Variants in NTNG1 observed in about 807,000 individuals in gnomAD.
The protein encoded by NTNG1 is netrin-G1.
Under a neutral mutation model 54.0 loss-of-function variants are expected in NTNG1, and 16 were observed. That is an observed-to-expected ratio of 0.30 (90% CI 0.20 to 0.45). The LOEUF (loss-of-function observed/expected upper bound fraction) is 0.45. Among genes scored for constraint, NTNG1 ranks in the 20% least tolerant of loss-of-function variants. The probability of loss-of-function intolerance (pLI) is 1.00; values close to 1 mark genes in which losing one functional copy is unlikely to be tolerated. For synonymous variants in NTNG1, 255 were observed against 263.1 expected, an observed-to-expected ratio of 0.97 and a Z score of 0.30; for missense variants, 530 against 678.7, an observed-to-expected ratio of 0.78 and a Z score of 2.43.
chr1:107,216,257 C>T (rs1236284264), intron 2 of NTNG1, among the ~76,000 whole-genome samples: 2 of 152,160 alleles, frequency 1.3e-5, no homozygotes. Flanking sequence ...AACTTTTCCC[C>T]ATTCAAGATA....
intron 3 of NTNG1, among the ~76,000 whole-genome samples, chr1:107,377,755 C>T (rs1208192910): frequency 1.3e-5 from 2 of 152,240 alleles, no homozygotes; most frequent in East Asian, 3.9e-4. Context: ...AGGCAGCATA[C>T]ATTGCAATTT....
At chr1:107,464,334 C>G (rs936724030) in intron 7 of NTNG1, among the ~76,000 whole-genome samples, 1 of 152,012 alleles carries the variant, frequency 6.6e-6, no homozygotes, top group Non-Finnish European at 1.5e-5. Flanking sequence ...AAGAATTGCC[C>G]GATTAAGCAG....
intron 5 of NTNG1, among the ~76,000 whole-genome samples, chr1:107,419,240 C>CTT (rs1491470678): frequency 2.4e-5 from 1 of 42,020 alleles, no homozygotes; most frequent in African/African-American, 5.7e-5. Flanking sequence ...CTCCTCCCTC[C>CTT]TCTCTCTCTC....
At chr1:107,479,234 C>T (rs1678535359) in intron 7 of NTNG1, among the ~76,000 whole-genome samples, 1 of 152,188 alleles carries the variant, frequency 6.6e-6, no homozygotes, top group African/African-American at 2.4e-5. Context: ...GTATCCACCA[C>T]CATCTTTCCT....
chr1:107,376,915 T>C (rs997076604), intron 3 of NTNG1, among the ~76,000 whole-genome samples: 3 of 152,186 alleles, frequency 2.0e-5, no homozygotes, highest in African/African-American at 7.2e-5. Flanking sequence ...TCTTCTCAAA[T>C]GAAGATCACT....
At chr1:107,196,056 G>A (rs1342213024) in intron 2 of NTNG1, among the ~76,000 whole-genome samples, 1 of 152,008 alleles carries the variant, frequency 6.6e-6, no homozygotes, top group Non-Finnish European at 1.5e-5. Flanking sequence ...CCAGCACTTA[G>A]AACCCAGGGC....
At chr1:107,181,965 T>G (rs1455282787) in intron 2 of NTNG1, among the ~76,000 whole-genome samples, 1 of 151,576 alleles carries the variant, frequency 6.6e-6, no homozygotes, top group African/African-American at 2.4e-5. Context: ...TATTCCCCTG[T>G]TTTTTTTATA....
At chr1:107,234,240 A>C (rs1214900402) in intron 2 of NTNG1, among the ~76,000 whole-genome samples, 2 of 152,104 alleles carry the variant, frequency 1.3e-5, no homozygotes, top group East Asian at 1.9e-4. Flanking sequence ...TTCCTGCCTC[A>C]GTCTCCCGAG....
chr1:107,228,932 A>C (rs1660870877), intron 2 of NTNG1, among the ~76,000 whole-genome samples: 1 of 152,108 alleles, frequency 6.6e-6, no homozygotes, highest in Non-Finnish European at 1.5e-5. Context: ...ATTTCTATTG[A>C]ACTAATCATG....
chr1:107,387,896 A>T (rs1672111313), intron 3 of NTNG1, among the ~76,000 whole-genome samples: 1 of 152,292 alleles, frequency 6.6e-6, no homozygotes, highest in South Asian at 2.1e-4. Flanking sequence ...GCCTTCCGTA[A>T]TAGAGACTGT....
chr1:107,269,776 T>C (rs557208635), intron 2 of NTNG1, among the ~76,000 whole-genome samples: 173 of 152,348 alleles, frequency 1.1e-3, no homozygotes, highest in African/African-American at 4.0e-3. Context: ...TTTAGACTAC[T>C]TAGCAGATTC....
intron 2 of NTNG1, among the ~76,000 whole-genome samples, chr1:107,239,307 C>T (rs993956788): frequency 6.6e-6 from 1 of 152,106 alleles, no homozygotes; most frequent in African/African-American, 2.4e-5. Context: ...TCAAATCAGT[C>T]TTCATGGATT....
At chr1:107,166,019 T>C (rs1655767497) in intron 2 of NTNG1, among the ~76,000 whole-genome samples, 2 of 152,220 alleles carry the variant, frequency 1.3e-5, no homozygotes, top group Admixed American at 1.3e-4. Flanking sequence ...CAGACTGGCC[T>C]CTGCCTTCAA....
At position 107,161,385 on chromosome 1, in the gene NTNG1, G is replaced by T. The variant is rs547838555; in HGVS notation, c.246+12546G>T. 4.7e-4 allele frequency among the ~76,000 whole-genome samples: 72 copies of T among 152,280 alleles called. 1 individual carries two copies. The South Asian group carries it at 0.015, about 31-fold the overall frequency. On this transcript the variant is annotated intron_variant, in intron 2 of 7. Transcript: ENST00000370068. ...CGTGCAACCACAACTTATAGGCCGG[G>T]TGTGGTGGCTCATGCCTGTAATCCC...
At chr1:107,269,269 T>A (rs1055673995) in intron 2 of NTNG1, among the ~76,000 whole-genome samples, 4 of 152,162 alleles carry the variant, frequency 2.6e-5, no homozygotes, top group Non-Finnish European at 5.9e-5. Context: ...CTGGCTGGAA[T>A]TTTCTTACTT....
chr1:107,384,118 T>G (rs1671813962), intron 3 of NTNG1, among the ~76,000 whole-genome samples: 1 of 152,176 alleles, frequency 6.6e-6, no homozygotes, highest in Non-Finnish European at 1.5e-5. Flanking sequence ...ACCATCATAT[T>G]CCTGCACCAA....
At chr1:107,275,332 G>T (rs1570560899) in intron 2 of NTNG1, among the ~76,000 whole-genome samples, 1 of 151,990 alleles carries the variant, frequency 6.6e-6, no homozygotes, top group African/African-American at 2.4e-5. Flanking sequence ...AGCCAAGATC[G>T]CACCACTGCA....
At position 107,481,529 on chromosome 1, in the gene NTNG1, A is replaced by G. The variant is rs886978267; in HGVS notation, c.*689A>G. ...CTATAGGAAAAAAGAAAGTGTATCT[A>G]TCCTTTTGTATTCAAATGAAGTTAT... On this transcript the variant is annotated 3_prime_UTR_variant, in exon 8 of 8. Coordinates refer to ENST00000370068, the MANE Select transcript of NTNG1 (RefSeq NM_001113226.3). 6.6e-6 allele frequency: 1 copy of G among 152,660 alleles called. No individual in the cohort carries two copies. Among genetic ancestry groups the G allele is most frequent in the Non-Finnish European group, 1.5e-5 (1 of 68,042 alleles). The allele number at this position is 152,660 out of a possible 1,614,324, so 9.5% of individuals were successfully genotyped here.
Position 107,442,837 on chromosome 1 carries a change from G to A in NTNG1, c.1390+6038G>A, listed in dbSNP as rs985543410. On this transcript the variant is annotated intron_variant, in intron 7 of 7. Transcript: ENST00000370068. ...CAGCTTGATAACATATGTTACAGATGTCAGCCAGTGTTTGGAGGGCTAACA... is the reference window on the plus strand; with the variant it reads ...CAGCTTGATAACATATGTTACAGATATCAGCCAGTGTTTGGAGGGCTAACA... Among the ~76,000 whole-genome samples the A allele has an allele frequency of 2.6e-5, 4 of 151,994 alleles. No homozygotes were observed. The South Asian group carries it at 8.3e-4, about 32-fold the overall frequency.
Sources: gnomAD v4.1 joint callset for allele counts (sites outside exome capture counted in the v4.1 genomes callset) on GRCh38, gnomAD v4.1.1 for gene constraint, MANE v1.5 for transcripts, NCBI Gene and HGNC (gene_info 2026-07-23, HGNC 2026-07-21) for gene names.